CALCRL: variants seen among roughly 807,000 people sequenced by gnomAD.
CALCRL encodes calcitonin gene-related peptide type 1 receptor.
CALCRL carries 27 observed loss-of-function variants against 60.4 expected under a neutral mutation model. The ratio of observed to expected loss-of-function variants is 0.45; its 90% CI spans 0.33 to 0.62. CALCRL has a LOEUF of 0.62. Ranked by LOEUF, CALCRL falls within the 20% of genes least tolerant of loss-of-function variation. CALCRL has a pLI of 0.03. For synonymous variants in CALCRL, 190 were observed against 182.6 expected (o/e 1.04, Z -0.33); for missense variants, 424 against 540.7 (o/e 0.78, Z 2.14).
chr2:187,425,458 T>G (rs1396203173), intron 1 of CALCRL, among the ~76,000 whole-genome samples: 1 of 151,934 alleles, frequency 6.6e-6, no homozygotes, highest in Non-Finnish European at 1.5e-5. Context: ...AAGTCTTATA[T>G]TTATTTGCTT....
chr2:187,356,215 A>C (rs1686778046), intron 12 of CALCRL, among the ~76,000 whole-genome samples: 2 of 152,230 alleles, frequency 1.3e-5, no homozygotes, highest in South Asian at 4.1e-4. Flanking sequence ...CTAAACAAAA[A>C]GAACAAAGCT....
intron 8 of CALCRL, among the ~76,000 whole-genome samples, chr2:187,371,729 C>T (rs1342562892): frequency 6.2e-5 from 5 of 81,096 alleles, no homozygotes; most frequent in African/African-American, 2.2e-4. Context: ...GAGCAAGACT[C>T]CATTTTTTTT....
At chr2:187,404,179 C>T (rs912119413) in intron 1 of CALCRL, among the ~76,000 whole-genome samples, 1 of 151,842 alleles carries the variant, frequency 6.6e-6, no homozygotes, top group Admixed American at 6.6e-5. Flanking sequence ...CCCCGTCATG[C>T]TTGACAGAGT....
chr2:187,404,394 A>T (rs1179764227), intron 1 of CALCRL, among the ~76,000 whole-genome samples: 1 of 151,994 alleles, frequency 6.6e-6, no homozygotes, highest in African/African-American at 2.4e-5. Context: ...TTTTCCTAAC[A>T]AAGAGAAAAA....
intron 8 of CALCRL, among the ~76,000 whole-genome samples, chr2:187,368,280 G>A (rs956638598): frequency 3.3e-5 from 5 of 151,984 alleles, no homozygotes; most frequent in East Asian, 1.9e-4. Flanking sequence ...TTAATCAAAC[G>A]CTCTAATGGT....
At chr2:187,365,771 CACT>C (rs1687249325) in intron 8 of CALCRL, among the ~76,000 whole-genome samples, 3 of 152,092 alleles carry the variant, frequency 2.0e-5, no homozygotes. Flanking sequence ...AACTGGAGGA[CACT>C]ACATTAAATG....
intron 1 of CALCRL, among the ~76,000 whole-genome samples, chr2:187,434,041 A>G (rs1690523084): frequency 6.6e-6 from 1 of 152,110 alleles, no homozygotes; most frequent in African/African-American, 2.4e-5. Flanking sequence ...CACACCCTGA[A>G]TAGAATTATT....
intron 14 of CALCRL, among the ~76,000 whole-genome samples, chr2:187,351,644 G>A (rs1371955886): frequency 6.6e-6 from 1 of 151,780 alleles, no homozygotes; most frequent in Non-Finnish European, 1.5e-5. Flanking sequence ...CAGACTTAAT[G>A]GGACTCAAAG....
intron 1 of CALCRL, among the ~76,000 whole-genome samples, chr2:187,424,988 A>G (rs1574311055): frequency 1.3e-5 from 2 of 151,958 alleles, no homozygotes; most frequent in Admixed American, 1.3e-4. Context: ...TAATGTCTAC[A>G]TAAGGGAAAT....
intron 14 of CALCRL, among the ~76,000 whole-genome samples, chr2:187,350,709 G>A (rs1686492795): frequency 6.6e-6 from 1 of 151,688 alleles, no homozygotes. Flanking sequence ...ACATGTTATA[G>A]TTTTTCATGA....
chr2:187,364,440 G>A (rs1687191232), intron 8 of CALCRL, among the ~76,000 whole-genome samples: 1 of 151,624 alleles, frequency 6.6e-6, no homozygotes, highest in African/African-American at 2.4e-5. Context: ...TTTCACTACA[G>A]AGGCAAAAAA....
chr2:187,396,186 T>C (rs6710849), intron 1 of CALCRL, among the ~76,000 whole-genome samples: 1 of 27,978 alleles, frequency 3.6e-5, no homozygotes, highest in Non-Finnish European at 1.0e-4. Context: ...CCAAAAAAAA[T>C]AAATAAATAA....
At position 187,344,077 on chromosome 2, in the gene CALCRL, TA is replaced by T. The variant is rs1418904889; in HGVS notation, c.*2106del. 6.6e-6 allele frequency: 1 copy of T among 151,610 alleles called. No individual in the cohort carries two copies. Among genetic ancestry groups the T allele is most frequent in the Non-Finnish European group, 1.5e-5 (1 of 67,634 alleles). The allele number at this position is 151,610 out of a possible 1,614,324, so 9.4% of individuals were successfully genotyped here. On this transcript the variant is annotated 3_prime_UTR_variant, in exon 15 of 15. Coordinates refer to ENST00000392370, the MANE Select transcript of CALCRL (RefSeq NM_005795.6). Reference sequence around the variant, plus strand: ...CAGTTTGTCTAGAAGAAGGCTGATATATGTCAACATGGTCAGCAAAGGATTT... The same window carrying T: ...CAGTTTGTCTAGAAGAAGGCTGATATTGTCAACATGGTCAGCAAAGGATTT...
At chr2:187,366,472 GC>G (rs1467898916) in intron 8 of CALCRL, among the ~76,000 whole-genome samples, 1 of 151,838 alleles carries the variant, frequency 6.6e-6, no homozygotes, top group African/African-American at 2.4e-5. Flanking sequence ...TGCTAATTAT[GC>G]TGATCTAATC....
intron 1 of CALCRL, among the ~76,000 whole-genome samples, chr2:187,447,677 C>CG (rs1364328410): frequency 6.6e-6 from 1 of 151,806 alleles, no homozygotes; most frequent in Non-Finnish European, 1.5e-5. Flanking sequence ...AAGACCCTTC[C>CG]GGGGGGAGAA....
intron 4 of CALCRL, among the ~76,000 whole-genome samples, chr2:187,384,238 T>C (rs1688111039): frequency 6.6e-6 from 1 of 152,204 alleles, no homozygotes; most frequent in Non-Finnish European, 1.5e-5. Context: ...GTTGTTTTAA[T>C]TTCCAAATAA....
chr2:187,411,684 T>G lies in CALCRL; in HGVS notation c.-292-23928A>C, dbSNP rs552674126. On this transcript the variant is annotated intron_variant, in intron 1 of 14. Transcript: ENST00000392370. ...TTGTGACAGAGACAGGAGAAGCAGATAGAAGGATAAGCCAGGGAAGTAGGG... is the reference window on the plus strand; with the variant it reads ...TTGTGACAGAGACAGGAGAAGCAGAGAGAAGGATAAGCCAGGGAAGTAGGG... Among the ~76,000 whole-genome samples the G allele has an allele frequency of 7.2e-5, 11 of 151,998 alleles. No individual in the cohort carries two copies. The South Asian group carries it at 2.1e-3, about 29-fold the overall frequency.
chr2:187,432,972 G>C (rs1690465204), intron 1 of CALCRL, among the ~76,000 whole-genome samples: 1 of 152,016 alleles, frequency 6.6e-6, no homozygotes, highest in Non-Finnish European at 1.5e-5. Context: ...TGTGTAGTAG[G>C]CTATCCTATC....
intron 1 of CALCRL, among the ~76,000 whole-genome samples, chr2:187,422,845 T>G (rs1689940813): frequency 6.6e-6 from 1 of 152,006 alleles, no homozygotes; most frequent in Non-Finnish European, 1.5e-5. Context: ...CTGTTTCTTT[T>G]AACTTTCTTG....
Sources: gnomAD v4.1 joint callset for allele counts (sites outside exome capture counted in the v4.1 genomes callset) on GRCh38, gnomAD v4.1.1 for gene constraint, MANE v1.5 for transcripts, NCBI Gene and HGNC (gene_info 2026-07-23, HGNC 2026-07-21) for gene names.